Variants in CSMD1 observed in about 807,000 individuals in gnomAD.
The protein encoded by CSMD1 is CUB and Sushi multiple domains 1, also known as CUB and sushi domain-containing protein 1.
Under a neutral mutation model 417.5 loss-of-function variants are expected in CSMD1, and 213 were observed. The ratio of observed to expected loss-of-function variants is 0.51; its 90% confidence interval spans 0.46 to 0.57. The LOEUF (loss-of-function observed/expected upper bound fraction) is 0.57. Among genes scored for constraint, CSMD1 ranks in the 20% least tolerant of loss-of-function variants. The pLI, the probability that CSMD1 is intolerant of heterozygous loss-of-function variation, is 0.00. For synonymous variants in CSMD1, 2,862 were observed against 1,736.8 expected (o/e 1.65, Z -16.11); for missense variants, 6,923 against 4,529.7 (o/e 1.53, Z -15.17).
At chr8:4,624,059 T>G (rs969910311) in intron 2 of CSMD1, among the ~76,000 whole-genome samples, 8 of 152,134 alleles carry the variant, frequency 5.3e-5, no homozygotes, top group African/African-American at 1.7e-4. Flanking sequence ...AAAATGACTA[T>G]CTCTAGCTCT....
intron 15 of CSMD1, among the ~76,000 whole-genome samples, chr8:3,405,173 AT>A (rs1362363695): frequency 6.6e-6 from 1 of 152,200 alleles, no homozygotes; most frequent in Non-Finnish European, 1.5e-5. Context: ...ATAGACAAAA[AT>A]GATATTTTAC....
At chr8:4,178,782 C>G (rs1025226542) in intron 3 of CSMD1, among the ~76,000 whole-genome samples, 5 of 152,060 alleles carry the variant, frequency 3.3e-5, no homozygotes, top group Non-Finnish European at 7.3e-5. Context: ...TGTTATACAC[C>G]AACAAAAGAC....
chr8:4,074,727 T>C (rs779201949), intron 3 of CSMD1, among the ~76,000 whole-genome samples: 1 of 152,084 alleles, frequency 6.6e-6, no homozygotes, highest in South Asian at 2.1e-4. Context: ...TTTAATTTCA[T>C]TGATTTAGGA....
intron 3 of CSMD1, among the ~76,000 whole-genome samples, chr8:4,099,801 C>T (rs938956724): frequency 6.6e-6 from 1 of 152,256 alleles, no homozygotes; most frequent in African/African-American, 2.4e-5. Context: ...ACTGGGAAGG[C>T]TACTTTAAAT....
At chr8:4,949,282 C>G (rs1808577938) in intron 1 of CSMD1, among the ~76,000 whole-genome samples, 1 of 149,736 alleles carries the variant, frequency 6.7e-6, no homozygotes. Flanking sequence ...TGTCCTTTTC[C>G]TATGGTATGC....
chr8:4,529,540 G>C (rs190116943), intron 2 of CSMD1, among the ~76,000 whole-genome samples: 2 of 152,168 alleles, frequency 1.3e-5, no homozygotes, highest in Admixed American at 6.5e-5. Flanking sequence ...CTTCATTATT[G>C]ACAGGGTAAA....
intron 5 of CSMD1, among the ~76,000 whole-genome samples, chr8:3,833,251 G>C (rs966267541): frequency 1.3e-5 from 2 of 151,966 alleles, no homozygotes; most frequent in African/African-American, 2.4e-5. Context: ...TACACATGTT[G>C]ATAATATCTG....
intron 41 of CSMD1, chr8:3,128,467 A>G: frequency 4.7e-6 from 1 of 214,538 alleles, no homozygotes; most frequent in East Asian, 1.2e-4. Context: ...TACAGCACAG[A>G]CATCATTGAA....
intron 3 of CSMD1, among the ~76,000 whole-genome samples, chr8:4,039,869 T>C (rs909255663): frequency 1.3e-5 from 2 of 152,306 alleles, no homozygotes; most frequent in African/African-American, 2.4e-5. Flanking sequence ...TTTTGTAATG[T>C]TGGACAAATT....
At chr8:4,328,597 AAGT>A (rs1330541516) in intron 3 of CSMD1, among the ~76,000 whole-genome samples, 2 of 152,136 alleles carry the variant, frequency 1.3e-5, no homozygotes, top group African/African-American at 4.8e-5. Context: ...ATTAAAAATG[AAGT>A]CATTTTGTTT....
intron 12 of CSMD1, among the ~76,000 whole-genome samples, chr8:3,431,638 A>T (rs1814223091): frequency 6.6e-6 from 1 of 152,026 alleles, no homozygotes; most frequent in South Asian, 2.1e-4. Flanking sequence ...AACTGACAAA[A>T]CTTGTTTATT....
intron 1 of CSMD1, among the ~76,000 whole-genome samples, chr8:4,799,078 C>T (rs941618011): frequency 6.6e-6 from 1 of 152,112 alleles, no homozygotes; most frequent in Non-Finnish European, 1.5e-5. Context: ...TTGCATTGGC[C>T]GACCCTGCGC....
At chr8:3,944,420 T>A (rs1811088681) in intron 5 of CSMD1, among the ~76,000 whole-genome samples, 1 of 152,148 alleles carries the variant, frequency 6.6e-6, no homozygotes. Flanking sequence ...TGATTCTTCT[T>A]CATATTCAAC....
intron 2 of CSMD1, among the ~76,000 whole-genome samples, chr8:4,429,560 G>A (rs541465741): frequency 1.3e-5 from 2 of 152,272 alleles, no homozygotes; most frequent in East Asian, 1.9e-4. Context: ...ACTCATTACA[G>A]AAGGATTTGG....
At chr8:3,970,831 A>C (rs1347757624) in intron 5 of CSMD1, among the ~76,000 whole-genome samples, 1 of 152,068 alleles carries the variant, frequency 6.6e-6, no homozygotes, top group Non-Finnish European at 1.5e-5. Flanking sequence ...GTCTCACTGC[A>C]ACCTCCGCCT....
intron 3 of CSMD1, among the ~76,000 whole-genome samples, chr8:4,054,012 C>T (rs2130706975): frequency 6.6e-6 from 1 of 152,174 alleles, no homozygotes; most frequent in East Asian, 1.9e-4. Flanking sequence ...AATTGTTTTC[C>T]CCAACATGGC....
chr8:3,900,147 C>T (rs770482194), intron 5 of CSMD1, among the ~76,000 whole-genome samples: 1 of 150,780 alleles, frequency 6.6e-6, no homozygotes, highest in Non-Finnish European at 1.5e-5. Context: ...GGTGACAGTG[C>T]AGCTAGATGA....
intron 3 of CSMD1, among the ~76,000 whole-genome samples, chr8:4,178,776 A>T (rs879939847): frequency 3.9e-5 from 6 of 152,216 alleles, no homozygotes; most frequent in Non-Finnish European, 8.8e-5. Flanking sequence ...AAGCATTGTT[A>T]TACACCAACA....
At chr8:4,849,253 C>T (rs1410317152) in intron 1 of CSMD1, among the ~76,000 whole-genome samples, 1 of 152,012 alleles carries the variant, frequency 6.6e-6, no homozygotes, top group African/African-American at 2.4e-5. Flanking sequence ...TATTGTACAC[C>T]TGTGCATGTG....
Sources: allele counts gnomAD v4.1 joint callset (sites outside exome capture counted in the v4.1 genomes callset), GRCh38; gene constraint gnomAD v4.1.1; transcripts MANE v1.5; gene names NCBI Gene and HGNC (gene_info 2026-07-23, HGNC 2026-07-21).